Variants in NPIPB7 observed in about 807,000 individuals in gnomAD.
NPIPB7 encodes the protein nuclear pore complex interacting protein family member B7.
For missense variants in NPIPB7, 14 were observed against 238.5 expected (o/e 0.06, Z 6.20); for synonymous variants, 9 against 88.1 (o/e 0.10, Z 5.03).
intron 4 of NPIPB7, among the ~76,000 whole-genome samples, chr16:28,460,665 CAG>C (rs1308141483): frequency 1.7e-5 from 2 of 118,960 alleles, no homozygotes; most frequent in Non-Finnish European, 3.6e-5. Context: ...TTTCTGACCA[CAG>C]GGCATCCTTC....
intron 1 of NPIPB7, among the ~76,000 whole-genome samples, chr16:28,469,013 A>G (rs954426405): frequency 8.6e-6 from 1 of 115,884 alleles, no homozygotes; most frequent in Non-Finnish European, 1.9e-5. Flanking sequence ...TCTTGAAAAC[A>G]TCTCAATTTT....
At chr16:28,468,745 T>G (rs1182164514) in intron 1 of NPIPB7, among the ~76,000 whole-genome samples, 1 of 121,044 alleles carries the variant, frequency 8.3e-6, no homozygotes, top group Non-Finnish European at 1.9e-5. Flanking sequence ...AGGCAGAGGT[T>G]GCAGTGAGCC....
intron 1 of NPIPB7, among the ~76,000 whole-genome samples, chr16:28,467,230 T>C (rs1301453028): frequency 2.2e-4 from 23 of 103,800 alleles, no homozygotes; most frequent in African/African-American, 6.1e-4. Flanking sequence ...ACACTAACAA[T>C]AGCTGATGAT....
intron 2 of NPIPB7, among the ~76,000 whole-genome samples, chr16:28,463,381 ACT>A (rs1233236307): frequency 1.0e-5 from 1 of 98,718 alleles, no homozygotes; most frequent in Non-Finnish European, 2.1e-5. Flanking sequence ...ACAGAATGAG[ACT>A]CTGTCTCACA....
intron 2 of NPIPB7, among the ~76,000 whole-genome samples, chr16:28,463,584 G>A (rs1353768008): frequency 3.4e-5 from 5 of 145,696 alleles, no homozygotes; most frequent in African/African-American, 1.0e-4. Context: ...AAATTAGCCA[G>A]GCATGGTGGT....
chr16:28,468,687 G>A (rs1342284481), intron 1 of NPIPB7, among the ~76,000 whole-genome samples: 1 of 143,192 alleles, frequency 7.0e-6, no homozygotes, highest in Non-Finnish European at 1.5e-5. Context: ...CGTGCCTACA[G>A]TTCCAGCTAC....
At chr16:28,471,850 C>T (rs2141687791), upstream of NPIPB7, among the ~76,000 whole-genome samples, 1 of 151,848 alleles carries the variant, frequency 6.6e-6, no homozygotes, top group African/African-American at 2.4e-5. Context: ...CCAAGTTGAC[C>T]TTCATGATTG....
chr16:28,461,963 A>T (rs2045873132), intron 4 of NPIPB7, among the ~76,000 whole-genome samples: 2 of 149,188 alleles, frequency 1.3e-5, no homozygotes, highest in Admixed American at 6.7e-5. Flanking sequence ...AAAAAAAAAA[A>T]AAAAAAATTG....
chr16:28,462,023 G>A (rs2045873714), intron 4 of NPIPB7, among the ~76,000 whole-genome samples: 1 of 147,926 alleles, frequency 6.8e-6, no homozygotes, highest in Non-Finnish European at 1.5e-5. Flanking sequence ...AGGAAGCTGA[G>A]GCAGAATTGC....
chr16:28,465,537 A>C (rs1378991310), intron 2 of NPIPB7, among the ~76,000 whole-genome samples: 3 of 148,260 alleles, frequency 2.0e-5, no homozygotes, highest in South Asian at 2.1e-4. Flanking sequence ...TTATACCGAA[A>C]ATTCTCTGTT....
rs1365913104 is a variant in NPIPB7 at position 28,462,163 on chromosome 16, T to C, written c.545+511A>G. ...GGCTGGGTGTGGTGGCTCACGCCTCTAATCCCAGCACTTTGGGAGGCTGAG... is the reference window on the plus strand; with the variant it reads ...GGCTGGGTGTGGTGGCTCACGCCTCCAATCCCAGCACTTTGGGAGGCTGAG... On this transcript the variant is annotated intron_variant, in intron 4 of 6. Transcript: ENST00000452313. Among the ~76,000 whole-genome samples the C allele has an allele frequency of 4.0e-5, 6 of 150,470 alleles. No homozygotes were observed. In the East Asian group the frequency reaches 6.0e-4, roughly 15 times the overall value.
intron 2 of NPIPB7, among the ~76,000 whole-genome samples, chr16:28,463,410 C>CAT (rs1056638076): frequency 9.2e-6 from 1 of 108,600 alleles, no homozygotes; most frequent in Non-Finnish European, 2.0e-5. Context: ...CACACACACA[C>CAT]ACACACACAC....
chr16:28,470,686 G>A (rs1456308111), upstream of NPIPB7: 16 of 554,428 alleles, frequency 2.9e-5, no homozygotes, highest in Non-Finnish European at 4.8e-5. Flanking sequence ...AGGAGGAGAA[G>A]GGGGCTGTTG....
intron 4 of NPIPB7, among the ~76,000 whole-genome samples, chr16:28,462,160 C>T (rs1180547085): frequency 2.0e-5 from 3 of 150,542 alleles, no homozygotes; most frequent in Non-Finnish European, 4.4e-5. Context: ...TGGCTCACGC[C>T]TCTAATCCCA....
chr16:28,461,258 A>G (rs40824), intron 4 of NPIPB7, among the ~76,000 whole-genome samples: 4,828 of 89,000 alleles, frequency 0.054, 237 homozygotes, highest in Non-Finnish European at 0.081. Flanking sequence ...GAATAGAGGT[A>G]GACAGGAAAT....
chr16:28,465,178 A>G (rs2045898936), intron 2 of NPIPB7, among the ~76,000 whole-genome samples: 1 of 97,954 alleles, frequency 1.0e-5, no homozygotes, highest in African/African-American at 3.9e-5. Flanking sequence ...GAACTGTTAA[A>G]AAGTGGTAAA....
At chr16:28,470,723 A>G (rs1404756925), upstream of NPIPB7, among the ~76,000 whole-genome samples, 4 of 149,996 alleles carry the variant, frequency 2.7e-5, no homozygotes, top group African/African-American at 7.2e-5. Context: ...GGAGGAGGAG[A>G]AGAAGAAAGG....
intron 2 of NPIPB7, among the ~76,000 whole-genome samples, chr16:28,465,692 C>A (rs1199797957): frequency 2.4e-5 from 2 of 84,324 alleles, no homozygotes; most frequent in Non-Finnish European, 4.8e-5. Context: ...TTCCTCTTCC[C>A]TTGAATATAA....
chr16:28,461,241 T>A (rs2045866270), intron 4 of NPIPB7, among the ~76,000 whole-genome samples: 1 of 140,820 alleles, frequency 7.1e-6, no homozygotes, highest in South Asian at 2.2e-4. Flanking sequence ...AGAAGAGTCA[T>A]GCATCAGAAT....
Sources: allele counts gnomAD v4.1 joint callset (sites outside exome capture counted in the v4.1 genomes callset), GRCh38; gene constraint gnomAD v4.1.1; transcripts MANE v1.5; gene names NCBI Gene and HGNC (gene_info 2026-07-23, HGNC 2026-07-21).